SPATA16: variants seen among roughly 807,000 people sequenced by gnomAD.
SPATA16 encodes the protein spermatogenesis-associated protein 16.
A neutral mutation model predicts 63.3 loss-of-function variants in SPATA16; 36 were observed. The ratio of observed to expected loss-of-function variants is 0.57; its 90% CI spans 0.44 to 0.75. The LOEUF is 0.75. Among genes scored for constraint, SPATA16 ranks in the 30% least tolerant of loss-of-function variants. The probability of loss-of-function intolerance (pLI) is 0.00; values close to 1 mark genes in which losing one functional copy is unlikely to be tolerated. For missense variants in SPATA16, 646 were observed against 679.3 expected, an observed-to-expected ratio of 0.95 and a Z score of 0.54; for synonymous variants, 203 against 216.7, an observed-to-expected ratio of 0.94 and a Z score of 0.56.
At position 173,094,055 on chromosome 3, in the gene SPATA16, T is replaced by G. The variant is rs570465434; in HGVS notation, c.612+23065A>C. On this transcript the variant is annotated intron_variant, in intron 2 of 10. Transcript: ENST00000351008. Reference sequence around the variant, plus strand: ...TCAATTCCTTTTTCTTTTTTTTTTTTGCATCCCTTTAACTCTTATTTCAGT... The same window carrying G: ...TCAATTCCTTTTTCTTTTTTTTTTTGGCATCCCTTTAACTCTTATTTCAGT... Among the ~76,000 whole-genome samples, 10 of 150,840 alleles carry G rather than the reference T, an allele frequency of 6.6e-5. No individual in the cohort carries two copies. In the South Asian group the frequency reaches 2.1e-3, roughly 32 times the overall value.
chr3:172,942,490 A>G (rs974369840), intron 6 of SPATA16, among the ~76,000 whole-genome samples: 1 of 151,466 alleles, frequency 6.6e-6, no homozygotes, highest in Non-Finnish European at 1.5e-5. Context: ...TTACATAACA[A>G]TAACATACAA....
intron 3 of SPATA16, among the ~76,000 whole-genome samples, chr3:173,020,102 C>G (rs1044973129): frequency 6.6e-6 from 1 of 151,918 alleles, no homozygotes; most frequent in African/African-American, 2.4e-5. Context: ...TCAAGAACAG[C>G]CTGGCCAACA....
At chr3:172,993,185 G>C (rs943924343) in intron 4 of SPATA16, among the ~76,000 whole-genome samples, 13 of 140,694 alleles carry the variant, frequency 9.2e-5, no homozygotes, top group African/African-American at 3.7e-4. Flanking sequence ...ACCTTTGTTG[G>C]ATTTTAAAAT....
intron 2 of SPATA16, among the ~76,000 whole-genome samples, chr3:173,093,072 CACACAT>C (rs1472331549): frequency 2.0e-4 from 29 of 145,518 alleles, no homozygotes; most frequent in African/African-American, 6.1e-4. Context: ...CACACACACA[CACACAT>C]ATATATATAT....
chr3:173,013,674 G>T (rs548186285), intron 4 of SPATA16, among the ~76,000 whole-genome samples: 57 of 152,304 alleles, frequency 3.7e-4, no homozygotes, highest in African/African-American at 1.3e-3. Flanking sequence ...ATCTTGGTTT[G>T]CCTAGGCACG....
chr3:172,958,600 A>T (rs961944065), intron 5 of SPATA16, among the ~76,000 whole-genome samples: 1 of 152,188 alleles, frequency 6.6e-6, no homozygotes, highest in Non-Finnish European at 1.5e-5. Context: ...TAGGGTTGCT[A>T]CAACAAAGTA....
intron 6 of SPATA16, among the ~76,000 whole-genome samples, chr3:172,944,087 A>T (rs1311434168): frequency 6.6e-6 from 1 of 152,242 alleles, no homozygotes; most frequent in Non-Finnish European, 1.5e-5. Context: ...ATAGAATGGG[A>T]GGAAATATTT....
At chr3:173,080,817 G>C (rs1245966286) in intron 2 of SPATA16, among the ~76,000 whole-genome samples, 1 of 152,150 alleles carries the variant, frequency 6.6e-6, no homozygotes, top group African/African-American at 2.4e-5. Flanking sequence ...TGAAAGTCCT[G>C]CCTTTTGCAT....
chr3:172,936,454 T>C (rs1732995752), intron 6 of SPATA16, among the ~76,000 whole-genome samples: 1 of 152,162 alleles, frequency 6.6e-6, no homozygotes, highest in Non-Finnish European at 1.5e-5. Flanking sequence ...GTCATGCATT[T>C]CTCTATACAT....
chr3:172,963,066 G>A (rs2108240850), intron 5 of SPATA16, among the ~76,000 whole-genome samples: 1 of 152,172 alleles, frequency 6.6e-6, no homozygotes, highest in Non-Finnish European at 1.5e-5. Context: ...ACATTTTTAT[G>A]ATGATTTTAG....
chr3:173,118,427 A>T (rs1737967692), intron 1 of SPATA16, among the ~76,000 whole-genome samples: 1 of 152,238 alleles, frequency 6.6e-6, no homozygotes, highest in Admixed American at 6.5e-5. Context: ...AACAATGTAC[A>T]CTGTATAAAG....
chr3:173,071,689 A>T (rs975736616), intron 2 of SPATA16, among the ~76,000 whole-genome samples: 1 of 152,242 alleles, frequency 6.6e-6, no homozygotes, highest in Non-Finnish European at 1.5e-5. Context: ...CAAATGGCCA[A>T]CAGGTATAAG....
At chr3:172,899,469 A>ATGTT (rs2109545455) in intron 10 of SPATA16, among the ~76,000 whole-genome samples, 1 of 151,972 alleles carries the variant, frequency 6.6e-6, no homozygotes, top group Non-Finnish European at 1.5e-5. Flanking sequence ...CCTTTTGTTA[A>ATGTT]TGTTTACATG....
intron 4 of SPATA16, among the ~76,000 whole-genome samples, chr3:173,000,093 T>G (rs1210118319): frequency 6.6e-6 from 1 of 152,208 alleles, no homozygotes; most frequent in Non-Finnish European, 1.5e-5. Context: ...AATGATTAAG[T>G]CATGAGGGCT....
At chr3:173,095,214 T>C (rs1230992748) in intron 2 of SPATA16, among the ~76,000 whole-genome samples, 1 of 151,922 alleles carries the variant, frequency 6.6e-6, no homozygotes, top group Non-Finnish European at 1.5e-5. Flanking sequence ...ATTGAAGGAG[T>C]ATGGTAAATA....
intron 2 of SPATA16, among the ~76,000 whole-genome samples, chr3:173,077,849 C>T (rs1314745790): frequency 1.3e-5 from 2 of 152,246 alleles, no homozygotes; most frequent in Non-Finnish European, 1.5e-5. Context: ...GACGTCACTT[C>T]CAATCTCCTG....
At position 172,889,501 on chromosome 3, in the gene SPATA16, G is replaced by C; in HGVS notation, c.*69C>G. 1.2e-6 allele frequency: 2 copies of C among 1,604,480 alleles called. No individual in the cohort carries two copies. Among genetic ancestry groups the C allele is most frequent in the Non-Finnish European group, 1.7e-6 (2 of 1,173,716 alleles). On this transcript the variant is annotated 3_prime_UTR_variant, in exon 11 of 11. Transcript: ENST00000351008. ...GTTATCCAGCTTCACAGTACTAGGT[G>C]GGCATTGGAGTGGATGCCCTTGCCT... is the stretch of plus-strand genomic sequence containing the variant.
At chr3:173,030,363 A>C (rs1577140191) in intron 3 of SPATA16, among the ~76,000 whole-genome samples, 1 of 152,202 alleles carries the variant, frequency 6.6e-6, no homozygotes, top group East Asian at 1.9e-4. Flanking sequence ...ATATATAAGA[A>C]ACTTCTTTGA....
chr3:173,114,085 C>T (rs988053979), intron 2 of SPATA16, among the ~76,000 whole-genome samples: 5 of 148,574 alleles, frequency 3.4e-5, no homozygotes, highest in Non-Finnish European at 7.4e-5. Flanking sequence ...GAGGCTGAGG[C>T]AGGAGAATCA....
Sources: gnomAD v4.1 joint callset for allele counts (sites outside exome capture counted in the v4.1 genomes callset) on GRCh38, gnomAD v4.1.1 for gene constraint, MANE v1.5 for transcripts, NCBI Gene and HGNC (gene_info 2026-07-23, HGNC 2026-07-21) for gene names.